STK33: variants seen among roughly 807,000 people sequenced by gnomAD.
STK33 encodes the protein serine/threonine kinase 33.
In STK33, 52 loss-of-function variants were observed where a neutral mutation model predicts 58.0. The ratio of observed to expected loss-of-function variants is 0.90; its 90% CI spans 0.72 to 1.13. The LOEUF (loss-of-function observed/expected upper bound fraction) is 1.13, where lower values mean the gene tolerates loss of function less well. Among genes scored for constraint, STK33 ranks in the 50% most tolerant of loss-of-function variants. STK33 has a pLI of 0.00. For missense variants in STK33, 630 were observed against 604.2 expected, an observed-to-expected ratio of 1.04 and a Z score of -0.45; for synonymous variants, 215 against 200.1, an observed-to-expected ratio of 1.07 and a Z score of -0.63.
intron 14 of STK33, among the ~76,000 whole-genome samples, chr11:8,428,814 C>T (rs1457554546): frequency 6.6e-6 from 1 of 151,996 alleles, no homozygotes; most frequent in African/African-American, 2.4e-5. Flanking sequence ...CAATATGATA[C>T]TGTTATGTTT....
At chr11:8,398,731 G>A (rs1849824611) in intron 15 of STK33, among the ~76,000 whole-genome samples, 1 of 151,272 alleles carries the variant, frequency 6.6e-6, no homozygotes, top group African/African-American at 2.4e-5. Context: ...CACGTGCAGA[G>A]ACACACATAG....
rs535014539 is a variant in STK33, at chr11:8,498,148, T to C, written c.-465-17534A>G. 1.1e-4 allele frequency among the ~76,000 whole-genome samples: 17 copies of C among 152,136 alleles called. No homozygotes were observed. In the South Asian group the frequency reaches 3.1e-3, roughly 28 times the overall value. ...GTAAAATAAACATATCATTTTGATA[T>C]ATGCAGAAAAAAAACATTTGACAAA... is the stretch of plus-strand genomic sequence containing the variant. On this transcript the variant is annotated intron_variant, in intron 1 of 15. Transcript: ENST00000687296.
intron 1 of STK33, among the ~76,000 whole-genome samples, chr11:8,515,747 A>G (rs1009068281): frequency 1.3e-5 from 2 of 152,338 alleles, no homozygotes; most frequent in African/African-American, 4.8e-5. Context: ...CTTTGTCTCA[A>G]TAGATGCAGA....
intron 15 of STK33, among the ~76,000 whole-genome samples, chr11:8,406,124 C>A (rs1327761755): frequency 8.2e-6 from 1 of 121,268 alleles, no homozygotes; most frequent in Non-Finnish European, 1.6e-5. Flanking sequence ...GGCTGGGTGA[C>A]AGAGCGAGAC....
intron 15 of STK33, among the ~76,000 whole-genome samples, chr11:8,410,507 C>G (rs1305016760): frequency 8.0e-6 from 1 of 125,530 alleles, no homozygotes. Context: ...AAGTCTCATT[C>G]CATTGCCCAG....
At chr11:8,395,828 G>C (rs984248325) in intron 15 of STK33, among the ~76,000 whole-genome samples, 2 of 152,158 alleles carry the variant, frequency 1.3e-5, no homozygotes, top group African/African-American at 4.8e-5. Flanking sequence ...AAATTCTTCG[G>C]ATAAATGGTA....
intron 1 of STK33, among the ~76,000 whole-genome samples, chr11:8,508,557 T>C (rs963900994): frequency 2.0e-5 from 3 of 152,134 alleles, no homozygotes; most frequent in Middle Eastern, 3.2e-3. Flanking sequence ...AGGCATGAGC[T>C]ATTGTGCCTG....
intron 1 of STK33, among the ~76,000 whole-genome samples, chr11:8,493,515 G>A (rs1950807588): frequency 6.6e-6 from 1 of 152,072 alleles, no homozygotes; most frequent in Admixed American, 6.5e-5. Flanking sequence ...TTCTACCAGA[G>A]GTATGAACAG....
chr11:8,486,031 A>C lies in STK33; in HGVS notation c.-465-5417T>G, dbSNP rs143222631. On this transcript the variant is annotated intron_variant, in intron 1 of 15. Transcript: ENST00000687296. ...CAGTTTTCTCTATTCCAAATATCAC[A>C]ATCCTAGTCCACACCACTATCATCT... 3.9e-5 allele frequency among the ~76,000 whole-genome samples: 6 copies of C among 152,226 alleles called. No individual in the cohort carries two copies. In the East Asian group the frequency reaches 1.2e-3, roughly 29 times the overall value.
At chr11:8,521,053 T>C (rs1316174944) in intron 1 of STK33, among the ~76,000 whole-genome samples, 1 of 150,072 alleles carries the variant, frequency 6.7e-6, no homozygotes, top group Non-Finnish European at 1.5e-5. Flanking sequence ...TAAAAATTAT[T>C]TATAATTTAT....
chr11:8,519,809 T>C (rs919600277), intron 1 of STK33, among the ~76,000 whole-genome samples: 1 of 152,152 alleles, frequency 6.6e-6, no homozygotes, highest in African/African-American at 2.4e-5. Context: ...GTTGAATCCC[T>C]GAATAGACCA....
At chr11:8,431,975 T>G (rs1943473670) in intron 14 of STK33, among the ~76,000 whole-genome samples, 1 of 152,174 alleles carries the variant, frequency 6.6e-6, no homozygotes, top group East Asian at 1.9e-4. Context: ...TTTTCTTCCT[T>G]GCGTTAAATC....
intron 1 of STK33, among the ~76,000 whole-genome samples, chr11:8,491,332 G>C (rs7932831): frequency 1.3e-5 from 2 of 152,034 alleles, no homozygotes; most frequent in African/African-American, 4.8e-5. Context: ...TCAAGTGGAA[G>C]AAAGGGTATC....
intron 15 of STK33, among the ~76,000 whole-genome samples, chr11:8,406,528 C>T (rs954500270): frequency 6.6e-6 from 1 of 152,170 alleles, no homozygotes; most frequent in African/African-American, 2.4e-5. Context: ...CCAACTATTT[C>T]AGTCTTTTTC....
At chr11:8,518,264 T>A (rs528753656) in intron 1 of STK33, among the ~76,000 whole-genome samples, 1 of 152,208 alleles carries the variant, frequency 6.6e-6, no homozygotes, top group South Asian at 2.1e-4. Context: ...GAAGGAGAAA[T>A]AAAATCCTTC....
At chr11:8,462,769 A>G (rs537329172) in intron 7 of STK33, among the ~76,000 whole-genome samples, 2 of 152,288 alleles carry the variant, frequency 1.3e-5, no homozygotes, top group South Asian at 2.1e-4. Context: ...TTGATAATCT[A>G]CAATGTCCTC....
intron 11 of STK33, among the ~76,000 whole-genome samples, chr11:8,449,798 A>T (rs1411838002): frequency 2.0e-5 from 3 of 152,184 alleles, no homozygotes; most frequent in African/African-American, 7.2e-5. Flanking sequence ...GAAAGAAAGA[A>T]AAAAGCTCAT....
At chr11:8,566,332 T>C (rs1477543612) in intron 1 of STK33, among the ~76,000 whole-genome samples, 1 of 152,224 alleles carries the variant, frequency 6.6e-6, no homozygotes, top group African/African-American at 2.4e-5. Flanking sequence ...TAAACAATCT[T>C]AGACCCACAT....
At chr11:8,459,121 T>C (rs539639683) in intron 8 of STK33, among the ~76,000 whole-genome samples, 1 of 152,184 alleles carries the variant, frequency 6.6e-6, no homozygotes, top group Admixed American at 6.5e-5. Context: ...AAATATAAAT[T>C]GGTCAATTTT....
Sources: allele counts gnomAD v4.1 joint callset (sites outside exome capture counted in the v4.1 genomes callset), GRCh38; gene constraint gnomAD v4.1.1; transcripts MANE v1.5; gene names NCBI Gene and HGNC (gene_info 2026-07-23, HGNC 2026-07-21).